PER2: variants seen among roughly 807,000 people sequenced by gnomAD.
The protein encoded by PER2 is period circadian regulator 2, also known as period circadian protein homolog 2.
A neutral mutation model predicts 121.0 loss-of-function variants in PER2; 66 were observed. The ratio of observed to expected loss-of-function variants is 0.55; its 90% confidence interval spans 0.45 to 0.67. The LOEUF (loss-of-function observed/expected upper bound fraction) is 0.67, where lower values mean the gene tolerates loss of function less well. Among genes scored for constraint, PER2 ranks in the 30% least tolerant of loss-of-function variants. PER2 has a pLI of 0.00. For synonymous variants in PER2, 684 were observed against 659.9 expected, an observed-to-expected ratio of 1.04 and a Z score of -0.56; for missense variants, 1,521 against 1,635.0, an observed-to-expected ratio of 0.93 and a Z score of 1.20.
chr2:238,271,579 G>C, intron 5 of PER2, 66 bp from the exon 6 acceptor site: 1 of 1,298,806 alleles, frequency 7.7e-7, no homozygotes. Flanking sequence ...TCCGACTCAG[G>C]CAGGCAGGCT....
At chr2:238,261,393 C>G in intron 12 of PER2, 1 of 410,830 alleles carries the variant, frequency 2.4e-6, no homozygotes. Context: ...TTAAGTCCCA[C>G]TGCTCTGGAT....
At chr2:238,296,037 CAG>C in the PER2 span, among the ~76,000 whole-genome samples, 1 of 150,422 alleles carries the variant, frequency 6.6e-6, no homozygotes, top group African/African-American at 2.4e-5. Context: ...CCTCCTGCTG[CAG>C]AGTCAGTCGT....
intron 20 of PER2, among the ~76,000 whole-genome samples, chr2:238,251,134 G>A (rs949637451): frequency 6.6e-5 from 10 of 152,236 alleles, no homozygotes; most frequent in Non-Finnish European, 1.3e-4. Context: ...GCACGCCTGC[G>A]AAGGGAGGCG....
At chr2:238,286,623 T>G (rs377149942) in intron 1 of PER2, among the ~76,000 whole-genome samples, 1 of 152,182 alleles carries the variant, frequency 6.6e-6, no homozygotes, top group Non-Finnish European at 1.5e-5. Flanking sequence ...GCCAAGCTTA[T>G]GGAATTGTGT....
intron 11 of PER2, 63 bp from the exon 12 acceptor site, chr2:238,261,900 G>A (rs1274923746): frequency 3.5e-6 from 4 of 1,154,734 alleles, no homozygotes; most frequent in African/African-American, 1.5e-5. Context: ...TGGCGTGACT[G>A]TATAGCCACT....
chr2:238,265,938 G>T (rs10929272), intron 8 of PER2, among the ~76,000 whole-genome samples: 63,605 of 150,206 alleles, frequency 0.42, 15,422 homozygotes, highest in African/African-American at 0.68. Flanking sequence ...GAGTCTTGCT[G>T]CGTTGCCCAG....
Position 238,277,178 on chromosome 2 carries a change from G to T in PER2, c.246C>A (p.Ser82Arg), listed in dbSNP as rs1559335203. 1 of 1,612,750 alleles carries T rather than the reference G, an allele frequency of 6.2e-7. No individual in the cohort carries two copies. Among genetic ancestry groups the T allele is most frequent in the Non-Finnish European group, 8.5e-7 (1 of 1,178,746 alleles). Reference protein sequence around the residue: ...PDARQSPDTFSLMMAKSEHNP... With the variant: ...PDARQSPDTFRLMMAKSEHNP... ...TGTGTTCAGATTTTGCCATCATCAG[G>T]CTAAAGGTATCTGGACTATGAAAAC... The change falls in exon 3 of 23, where the codon AGC becomes AGA. Residue 82 changes from serine to arginine, a missense_variant. Ser to Arg is a moderately radical substitution (Grantham distance 110, BLOSUM62 -1). Transcript: ENST00000254657.
upstream of PER2, among the ~76,000 whole-genome samples, chr2:238,293,204 G>C (rs1233715115): frequency 6.6e-6 from 1 of 151,998 alleles, no homozygotes; most frequent in Non-Finnish European, 1.5e-5. Flanking sequence ...ACAATACTCT[G>C]TATAGACTTG....
intron 1 of PER2, among the ~76,000 whole-genome samples, chr2:238,286,505 G>A (rs573345870): frequency 5.3e-5 from 8 of 152,174 alleles, no homozygotes; most frequent in South Asian, 2.1e-4. Context: ...TGGTCCCTAG[G>A]GGGGAGTGCG....
At chr2:238,278,722 C>T (rs1351329574) in intron 1 of PER2, among the ~76,000 whole-genome samples, 2 of 152,172 alleles carry the variant, frequency 1.3e-5, no homozygotes, top group Non-Finnish European at 2.9e-5. Context: ...GACATGGGGA[C>T]AGACAGGGCT....
chr2:238,284,119 A>G lies in PER2; in HGVS notation c.-20+4230T>C, dbSNP rs1169287892. On this transcript the variant is annotated intron_variant, in intron 1 of 22. Transcript: ENST00000254657. ...ACCCATGCAAGATATCTGGAATGTA[A>G]TATTAGCTTATCACTGCTAATCACT... Among the ~76,000 whole-genome samples the G allele has an allele frequency of 9.9e-5, 15 of 152,204 alleles. No individual in the cohort carries two copies. The East Asian group carries it at 2.7e-3, about 27-fold the overall frequency.
Position 238,275,865 on chromosome 2 carries a change from TTG to T in PER2, c.324_325del (p.His108GlnfsTer44). On this transcript the variant is annotated frameshift_variant, in exon 4 of 23. Transcript: ENST00000254657. LOFTEE classifies it high-confidence loss of function. ...CTCCTTTAGTGTTTTTATCAGTTCT[TTG>T]TGTGTGTCCACTTTCGAAGACTGGT... 1 of 1,614,256 alleles carries T rather than the reference TTG, an allele frequency of 6.2e-7. No homozygotes were observed. The highest frequency in any genetic ancestry group is 8.5e-7 in the Non-Finnish European group (1 of 1,180,038).
chr2:238,261,495 C>G, intron 12 of PER2: 1 of 582,314 alleles, frequency 1.7e-6, no homozygotes, highest in Non-Finnish European at 3.1e-6. Context: ...CAGCTACTCA[C>G]TCAGGGCTGC....
At chr2:238,293,568 C>T, upstream of PER2, among the ~76,000 whole-genome samples, 1 of 151,900 alleles carries the variant, frequency 6.6e-6, no homozygotes, top group East Asian at 1.9e-4. Context: ...AACTCCGTCT[C>T]TACTAAAAAT....
chr2:238,294,731 C>G (rs1277434459), upstream of PER2, among the ~76,000 whole-genome samples: 1 of 152,222 alleles, frequency 6.6e-6, no homozygotes, highest in African/African-American at 2.4e-5. Flanking sequence ...CATGGCTACC[C>G]TCACCACCCT....
rs545405881 is a variant in PER2, at chr2:238,285,126, C to T, written c.-20+3223G>A. ...CCAAAAGCCAACATGAGCCTCTGGG[C>T]GTGAACCTGCCCTTGAGGCCCTCTT... On this transcript the variant is annotated intron_variant, in intron 1 of 22. Transcript: ENST00000254657. Among the ~76,000 whole-genome samples, 269 of 152,382 alleles carry T rather than the reference C, an allele frequency of 1.8e-3. 2 individuals are homozygous for T. The highest frequency in any genetic ancestry group is 6.2e-3 in the African/African-American group (259 of 41,596).
chr2:238,262,905 G>A lies in PER2; in HGVS notation c.1153+47C>T, dbSNP rs773432287. ...CCAAGAAGCAGCCCCAAGGACACAG[G>A]AACTTCCGCCAAACACTTCAGGATG... On this transcript the variant is annotated intron_variant, in intron 10 of 22. Transcript: ENST00000254657. The A allele has an allele frequency of 2.3e-6, 3 of 1,314,758 alleles. No homozygotes were observed. In the East Asian group the frequency reaches 6.9e-5, roughly 30 times the overall value. The allele number at this position is 1,314,758 out of a possible 1,614,324, so 81.4% of individuals were successfully genotyped here.
intron 1 of PER2, among the ~76,000 whole-genome samples, chr2:238,282,217 A>AG (rs1258501648): frequency 6.6e-6 from 1 of 152,160 alleles, no homozygotes; most frequent in Non-Finnish European, 1.5e-5. Flanking sequence ...CTCTGACCAC[A>AG]GAGACTCTGC....
In PER2 at chr2:238,252,626, G is replaced by A. The variant is rs181797825; in HGVS notation, c.3111+286C>T. Among the ~76,000 whole-genome samples, 55 of 152,308 alleles carry A rather than the reference G, an allele frequency of 3.6e-4. 1 individual carries two copies. Among genetic ancestry groups the A allele is most frequent in the South Asian group, 3.1e-3 (15 of 4,824 alleles). Reference sequence around the variant, plus strand: ...TCTCTGAAGCGTCATTTAAAAAGTCGAAGCCCACAAATACTGTCAAGTCAC... The same window carrying A: ...TCTCTGAAGCGTCATTTAAAAAGTCAAAGCCCACAAATACTGTCAAGTCAC... On this transcript the variant is annotated intron_variant, in intron 19 of 22. Coordinates refer to ENST00000254657, the MANE Select transcript of PER2 (RefSeq NM_022817.3). The surrounding 1 kb of genome is among the most constrained non-coding windows in gnomAD (Gnocchi z 4.2).
Sources: gnomAD v4.1 joint callset for allele counts (sites outside exome capture counted in the v4.1 genomes callset) on GRCh38, gnomAD v4.1.1 for gene constraint, Gnocchi (gnomAD v3.1) non-coding constraint, MANE v1.5 for transcripts, NCBI Gene and HGNC (gene_info 2026-07-23, HGNC 2026-07-21) for gene names.